TG: variants seen among roughly 807,000 people sequenced by gnomAD.
The protein encoded by TG is thyroglobulin.
TG carries 270 observed loss-of-function variants against 324.7 expected under a neutral mutation model. The ratio of observed to expected loss-of-function variants is 0.83; its 90% CI spans 0.75 to 0.92. TG has a LOEUF of 0.92. Ranked by LOEUF, TG falls within the 40% of genes least tolerant of loss-of-function variation. The pLI is 0.00. For missense variants in TG, 3,591 were observed against 3,456.4 expected (o/e 1.04, Z -0.98); for synonymous variants, 1,401 against 1,327.0 (o/e 1.06, Z -1.21).
chr8:133,036,301 G>A (rs1270373371), intron 41 of TG, among the ~76,000 whole-genome samples: 1 of 152,280 alleles, frequency 6.6e-6, no homozygotes, highest in Non-Finnish European at 1.5e-5. Context: ...ATGATGTCAA[G>A]CTCCATGATA....
intron 35 of TG, among the ~76,000 whole-genome samples, chr8:133,001,514 T>C (rs1284636342): frequency 1.3e-5 from 2 of 152,242 alleles, no homozygotes; most frequent in Non-Finnish European, 2.9e-5. Flanking sequence ...AGGATGTCTT[T>C]ATTTGGTCTT....
intron 20 of TG, among the ~76,000 whole-genome samples, chr8:132,915,696 G>A (rs1479301777): frequency 6.6e-6 from 1 of 152,194 alleles, no homozygotes; most frequent in Non-Finnish European, 1.5e-5. Flanking sequence ...GCCATTGTGG[G>A]GAGAAACATA....
rs61736710 is a variant in TG, at chr8:132,893,721, T to C, written c.2793T>C (p.Arg931=). ...GCTCCTGTGAGGAAGCAAAGCTCCG[T>C]GTACTGCAGTTCATTAGGGAAACGG... is the stretch of plus-strand genomic sequence containing the variant. ...CPGSCEEAKL[R]VLQFIRETEE... is the part of the protein sequence containing the mutation. The change falls in exon 11 of 48, where the codon CGT becomes CGC. Residue 931 remains arginine, a synonymous_variant. Coordinates refer to ENST00000220616, the MANE Select transcript of TG (RefSeq NM_003235.5). 1,208 of 1,613,932 alleles carry C rather than the reference T, an allele frequency of 7.5e-4. 9 individuals are homozygous for C. In the African/African-American group the frequency reaches 0.014, roughly 19 times the overall value.
At chr8:132,983,883 T>TCCAGGAGC (rs1831205980) in intron 35 of TG, 1 of 241,184 alleles carries the variant, frequency 4.1e-6, no homozygotes. Flanking sequence ...TGGCCCTGAG[T>TCCAGGAGC]CCAGGAGCCC....
intron 41 of TG, among the ~76,000 whole-genome samples, chr8:133,068,700 C>T (rs772152783): frequency 3.3e-5 from 5 of 152,140 alleles, no homozygotes; most frequent in South Asian, 4.1e-4. Context: ...AGTGAGTGGG[C>T]GTCTTATGAA....
chr8:133,092,858 A>G (rs974269014), intron 41 of TG, among the ~76,000 whole-genome samples: 2 of 152,248 alleles, frequency 1.3e-5, no homozygotes, highest in African/African-American at 4.8e-5. Context: ...TCCTTCAGAA[A>G]GATCAATTTA....
At chr8:133,059,842 A>T (rs1318584280) in intron 41 of TG, among the ~76,000 whole-genome samples, 3 of 152,174 alleles carry the variant, frequency 2.0e-5, no homozygotes, top group African/African-American at 7.2e-5. Context: ...AAATAAAGTG[A>T]TTAAACCAGC....
chr8:132,878,595 C>T (rs540013568), intron 5 of TG, among the ~76,000 whole-genome samples: 66 of 145,810 alleles, frequency 4.5e-4, no homozygotes, highest in African/African-American at 1.7e-3. Flanking sequence ...GGTGACAGAG[C>T]GAGACTCTGT....
At chr8:133,129,255 G>A (rs563627504) in intron 45 of TG, among the ~76,000 whole-genome samples, 2 of 152,318 alleles carry the variant, frequency 1.3e-5, no homozygotes, top group East Asian at 1.9e-4. Context: ...TTAAACAGAT[G>A]GGATGGGCTG....
At chr8:133,120,580 C>G (rs1851064348) in intron 45 of TG, among the ~76,000 whole-genome samples, 1 of 152,076 alleles carries the variant, frequency 6.6e-6, no homozygotes, top group Non-Finnish European at 1.5e-5. Flanking sequence ...ATTCTTGGCT[C>G]ATAGATATCT....
Position 132,898,260 on chromosome 8 carries a change from G to A in TG, c.3217+14G>A, listed in dbSNP as rs565373165. On this transcript the variant is annotated intron_variant, in intron 13 of 47. Transcript: ENST00000220616. ...AGATTCCACAGTGTAAGTGAAGACT[G>A]CAGAGTTCTCCTCCTGACCCCCCTT... 3.2e-5 allele frequency: 50 copies of A among 1,580,384 alleles called. No homozygotes were observed. The African/African-American group carries it at 5.2e-4, about 17-fold the overall frequency.
At chr8:132,923,314 G>T (rs1418271493) in intron 21 of TG, 24 bp from the exon 22 acceptor site, 3 of 1,613,496 alleles carry the variant, frequency 1.9e-6, no homozygotes, top group Non-Finnish European at 2.5e-6. Flanking sequence ...ATTATTGACG[G>T]CTATGTCAAT....
intron 41 of TG, among the ~76,000 whole-genome samples, chr8:133,057,786 A>AC (rs1382701176): frequency 1.3e-5 from 2 of 151,926 alleles, no homozygotes; most frequent in African/African-American, 4.8e-5. Flanking sequence ...AAAAAAAAAA[A>AC]ACAAAAAAAC....
chr8:132,867,079 G>A lies in TG; in HGVS notation c.67+12G>A, dbSNP rs773692395. ...GGCCAATATCTTCGGTAAGTTCTGA[G>A]GCCATGGAGCCAGGCGGTGGGGAGG... On this transcript the variant is annotated intron_variant, in intron 1 of 47. Coordinates refer to ENST00000220616, the MANE Select transcript of TG (RefSeq NM_003235.5). The A allele has an allele frequency of 6.3e-7, 1 of 1,593,332 alleles. No homozygotes were observed.
chr8:133,120,466 G>A (rs868842385), intron 45 of TG, among the ~76,000 whole-genome samples: 2 of 152,170 alleles, frequency 1.3e-5, no homozygotes, highest in African/African-American at 2.4e-5. Context: ...AGTTCTGGAA[G>A]CCACAAGGAT....
chr8:132,885,260 G>A (rs928583663), intron 8 of TG, among the ~76,000 whole-genome samples: 8 of 151,914 alleles, frequency 5.3e-5, no homozygotes, highest in African/African-American at 1.9e-4. Flanking sequence ...CTCTCTTAAT[G>A]TGGCTACAGT....
rs773062304 is a variant in TG, at chr8:132,886,947, A to C, written c.1575A>C (p.Gly525=). ...QEDLAKPLSV[G]LDSNSSTGTP... ...ATTTGGCCAAGCCACTCTCTGTGGG[A>C]TTAGATTCAAATTCTTCCACAGGAA... The change falls in exon 9 of 48, where the codon GGA becomes GGC. Residue 525 remains glycine (G), a synonymous_variant. Coordinates refer to ENST00000220616, the MANE Select transcript of TG (RefSeq NM_003235.5). 3 of 1,614,142 alleles carry C rather than the reference A, an allele frequency of 1.9e-6. No homozygotes were observed. The highest frequency in any genetic ancestry group is 2.5e-6 in the Non-Finnish European group (3 of 1,180,030).
intron 41 of TG, among the ~76,000 whole-genome samples, chr8:133,042,693 T>C (rs1267056643): frequency 4.0e-5 from 5 of 125,606 alleles, no homozygotes; most frequent in East Asian, 2.2e-4. Context: ...TTTTTTTTTT[T>C]TTTTTTTTTT....
intron 41 of TG, among the ~76,000 whole-genome samples, chr8:133,083,053 G>A (rs1233166340): frequency 6.6e-6 from 1 of 152,192 alleles, no homozygotes; most frequent in Admixed American, 6.5e-5. Flanking sequence ...TGAGTAGGCA[G>A]GCCTAGTTGC....
Sources: allele counts gnomAD v4.1 joint callset (sites outside exome capture counted in the v4.1 genomes callset), GRCh38; gene constraint gnomAD v4.1.1; transcripts MANE v1.5; gene names NCBI Gene and HGNC (gene_info 2026-07-23, HGNC 2026-07-21).